CNTLN: variants seen among roughly 807,000 people sequenced by gnomAD.
CNTLN encodes centlein.
CNTLN carries 212 observed loss-of-function variants against 180.0 expected under a neutral mutation model. The ratio of observed to expected loss-of-function variants is 1.18; its 90% CI spans 1.05 to 1.32. The LOEUF (loss-of-function observed/expected upper bound fraction) is 1.32. Among genes scored for constraint, CNTLN ranks in the 40% most tolerant of loss-of-function variants. The pLI is 0.00. For missense variants in CNTLN, 2,095 were observed against 1,610.9 expected, an observed-to-expected ratio of 1.30 and a Z score of -5.14; for synonymous variants, 722 against 563.1, an observed-to-expected ratio of 1.28 and a Z score of -3.99.
intron 2 of CNTLN, among the ~76,000 whole-genome samples, chr9:17,210,802 C>T (rs1031704702): frequency 3.8e-4 from 58 of 152,240 alleles, no homozygotes; most frequent in Admixed American, 1.2e-3. Flanking sequence ...TCTTTGATGG[C>T]CAGTGATGAT....
intron 2 of CNTLN, among the ~76,000 whole-genome samples, chr9:17,176,026 A>C (rs1345423421): frequency 2.0e-5 from 3 of 151,770 alleles, no homozygotes; most frequent in African/African-American, 4.8e-5. Flanking sequence ...ATCTATTGTA[A>C]TTATCTATTG....
chr9:17,342,323 A>C lies in CNTLN; in HGVS notation c.1767-2A>C. On this transcript the variant is annotated splice_acceptor_variant, in intron 11 of 25. Transcript: ENST00000380647. LOFTEE classifies it high-confidence loss of function. ...GAAAAAGCAACTTTGTTTTAAAAAT[A>C]GGACTGAAATCAGGAAAATAAAGAG... 1.2e-6 allele frequency: 2 copies of C among 1,610,854 alleles called. No homozygotes were observed. Among genetic ancestry groups the C allele is most frequent in the Non-Finnish European group, 1.7e-6 (2 of 1,178,858 alleles).
At position 17,269,605 on chromosome 9, in the gene CNTLN, T is replaced by C. The variant is rs188273557; in HGVS notation, c.850-4128T>C. Among the ~76,000 whole-genome samples, 321 of 152,294 alleles carry C rather than the reference T, an allele frequency of 2.1e-3. 1 individual carries two copies. Among genetic ancestry groups the C allele is most frequent in the African/African-American group, 7.3e-3 (304 of 41,584 alleles). On this transcript the variant is annotated intron_variant, in intron 5 of 25. Transcript: ENST00000380647. ...TTTTCCTTCTGTAATTGATTTCTGG[T>C]TTTATTACATTGTGATCAGAAAAAA...
At chr9:17,523,437 A>AT in the CNTLN span, among the ~76,000 whole-genome samples, 2 of 152,006 alleles carry the variant, frequency 1.3e-5, no homozygotes, top group Admixed American at 1.3e-4. Context: ...GGGTTTCATC[A>AT]TGTTGGCCAG....
At chr9:17,193,893 C>A (rs1159801308) in intron 2 of CNTLN, among the ~76,000 whole-genome samples, 1 of 152,240 alleles carries the variant, frequency 6.6e-6, no homozygotes, top group Non-Finnish European at 1.5e-5. Context: ...CTTCTGAAAT[C>A]TAGGCGGAAG....
At chr9:17,207,757 G>C (rs937564879) in intron 2 of CNTLN, among the ~76,000 whole-genome samples, 4 of 151,988 alleles carry the variant, frequency 2.6e-5, no homozygotes, top group African/African-American at 7.2e-5. Context: ...GTCTCGCTGG[G>C]AGCTGCAGAC....
chr9:17,486,212 A>G (rs1035715678), intron 24 of CNTLN, among the ~76,000 whole-genome samples: 7 of 152,132 alleles, frequency 4.6e-5, no homozygotes, highest in African/African-American at 1.7e-4. Context: ...TGTTCTTTAC[A>G]CTATATCGAA....
intron 6 of CNTLN, among the ~76,000 whole-genome samples, chr9:17,294,068 G>A (rs1249192236): frequency 1.3e-5 from 2 of 152,140 alleles, no homozygotes; most frequent in Admixed American, 1.3e-4. Context: ...GTTCAGATGT[G>A]TTTAGAGTTT....
chr9:17,458,969 T>C (rs550182474), intron 19 of CNTLN, among the ~76,000 whole-genome samples: 1 of 151,896 alleles, frequency 6.6e-6, no homozygotes, highest in African/African-American at 2.4e-5. Context: ...GAAGATAAAA[T>C]CATTGAGCTA....
intron 7 of CNTLN, chr9:17,302,182 T>C: frequency 1.1e-6 from 1 of 909,718 alleles, no homozygotes; most frequent in Non-Finnish European, 1.3e-6. Flanking sequence ...TATAACATCA[T>C]ATTAACCATA....
chr9:17,500,683 A>G (rs1420276536), intron 25 of CNTLN, among the ~76,000 whole-genome samples: 2 of 152,212 alleles, frequency 1.3e-5, no homozygotes, highest in Non-Finnish European at 2.9e-5. Context: ...ATTTGATTAG[A>G]GAACAATTTT....
rs369056271 is a variant in CNTLN at position 17,347,673 on chromosome 9, C to CAAA, written c.1886+5241_1886+5243dup. On this transcript the variant is annotated intron_variant, in intron 12 of 25. Transcript: ENST00000380647. ...CTGGGTGACAGTAAGACTCTTGTCT[C>CAAA]AAAAAAAAAAAAAAGAAAAAGGAAA... 3.0e-3 allele frequency among the ~76,000 whole-genome samples: 395 copies of CAAA among 129,642 alleles called. 2 individuals are homozygous for CAAA. Among genetic ancestry groups the CAAA allele is most frequent in the East Asian group, 6.1e-3 (27 of 4,450 alleles). 85.1% of individuals were successfully genotyped at this position (129,642 alleles called of 152,430 possible).
At chr9:17,515,684 C>G in the CNTLN span, among the ~76,000 whole-genome samples, 1 of 152,112 alleles carries the variant, frequency 6.6e-6, no homozygotes, top group African/African-American at 2.4e-5. Flanking sequence ...CTGACTCTAC[C>G]CTCAGAACGT....
intron 15 of CNTLN, among the ~76,000 whole-genome samples, chr9:17,397,714 G>T (rs953440428): frequency 6.6e-6 from 1 of 152,194 alleles, no homozygotes; most frequent in Non-Finnish European, 1.5e-5. Context: ...AGATGGAGTT[G>T]CTCTGTTTCA....
chr9:17,325,620 G>A (rs1820237361), intron 8 of CNTLN, among the ~76,000 whole-genome samples: 1 of 151,186 alleles, frequency 6.6e-6, no homozygotes, highest in African/African-American at 2.4e-5. Flanking sequence ...GTGATATATT[G>A]TTTTAAGAAA....
At chr9:17,488,017 C>T (rs534906271) in intron 25 of CNTLN, among the ~76,000 whole-genome samples, 2 of 152,126 alleles carry the variant, frequency 1.3e-5, no homozygotes, top group African/African-American at 4.8e-5. Flanking sequence ...CAAAATACCC[C>T]AAAAATTGTC....
chr9:17,324,602 A>G (rs941258117), intron 8 of CNTLN, among the ~76,000 whole-genome samples: 1 of 152,148 alleles, frequency 6.6e-6, no homozygotes, highest in African/African-American at 2.4e-5. Flanking sequence ...TGGTTGCTCA[A>G]TTTTGTACCA....
chr9:17,370,688 C>T (rs1824243026), intron 13 of CNTLN, among the ~76,000 whole-genome samples: 1 of 152,094 alleles, frequency 6.6e-6, no homozygotes, highest in Non-Finnish European at 1.5e-5. Context: ...GGTATACAAA[C>T]TACTCTTAAG....
intron 5 of CNTLN, among the ~76,000 whole-genome samples, chr9:17,242,191 T>G (rs1825534509): frequency 6.6e-6 from 1 of 152,210 alleles, no homozygotes; most frequent in African/African-American, 2.4e-5. Flanking sequence ...ATTTATGGCT[T>G]TTATTGTTTT....
Sources: allele counts gnomAD v4.1 joint callset (sites outside exome capture counted in the v4.1 genomes callset), GRCh38; gene constraint gnomAD v4.1.1; transcripts MANE v1.5; gene names NCBI Gene and HGNC (gene_info 2026-07-23, HGNC 2026-07-21).